The following INPP5A variants were observed in gnomAD, a reference collection of about 807,000 sequenced individuals.
INPP5A encodes inositol polyphosphate-5-phosphatase A.
INPP5A carries 14 observed loss-of-function variants against 65.2 expected under a neutral mutation model. The observed-to-expected ratio is 0.21, with a 90% CI of 0.14 to 0.34. The LOEUF (loss-of-function observed/expected upper bound fraction) is 0.34, where lower values mean the gene tolerates loss of function less well. Ranked by LOEUF, INPP5A falls within the 10% of genes least tolerant of loss-of-function variation. The pLI is 1.00. For missense variants in INPP5A, 431 were observed against 545.6 expected, an observed-to-expected ratio of 0.79 and a Z score of 2.09; for synonymous variants, 207 against 208.3, an observed-to-expected ratio of 0.99 and a Z score of 0.05.
chr10:132,563,959 C>G (rs1041745580), intron 1 of INPP5A, among the ~76,000 whole-genome samples: 1 of 152,150 alleles, frequency 6.6e-6, no homozygotes, highest in African/African-American at 2.4e-5. Context: ...GCAAAGTCGT[C>G]CTGGTTCATA....
At chr10:132,775,188 G>GAGGGGCAGGGAGGAGAGAGGGA (rs1847040258) in intron 12 of INPP5A, among the ~76,000 whole-genome samples, 2 of 1,750 alleles carry the variant, frequency 1.1e-3, no homozygotes, top group Admixed American at 7.8e-3. Context: ...CAGGGAGAGA[G>GAGGGGCAGGGAGGAGAGAGGGA]GGAGGGGCAG....
intron 1 of INPP5A, among the ~76,000 whole-genome samples, chr10:132,568,735 C>T (rs186119877): frequency 8.6e-5 from 13 of 152,010 alleles, no homozygotes; most frequent in Admixed American, 2.0e-4. Context: ...CCAGCCTGGG[C>T]GACAAGAGTG....
chr10:132,604,508 T>G (rs2071819722), intron 1 of INPP5A, among the ~76,000 whole-genome samples: 1 of 152,188 alleles, frequency 6.6e-6, no homozygotes, highest in African/African-American at 2.4e-5. Context: ...TGTTATTTGG[T>G]GAGGTTTGGG....
In INPP5A at chr10:132,546,796, C is replaced by T. The variant is rs1400517245; in HGVS notation, c.75+8625C>T. ...CCTGACCGCCCAGCCACTGTTCTCC[C>T]TGGCCCTTCCCTCTCGTTTCTGCCT... On this transcript the variant is annotated intron_variant, in intron 1 of 15. Transcript: ENST00000368594. This position sits in a 1 kb window ranked among gnomAD's most constrained non-coding sequence, Gnocchi z 5.7. Among the ~76,000 whole-genome samples, 1 of 152,240 alleles carries T rather than the reference C, an allele frequency of 6.6e-6. No homozygotes were observed. Among genetic ancestry groups the T allele is most frequent in the African/African-American group, 2.4e-5 (1 of 41,464 alleles).
chr10:132,729,002 C>T (rs1022176130), intron 9 of INPP5A, among the ~76,000 whole-genome samples: 11 of 145,030 alleles, frequency 7.6e-5, no homozygotes, highest in Non-Finnish European at 1.2e-4. Context: ...CTTGTGTGGC[C>T]GCTGTGGTCT....
intron 9 of INPP5A, among the ~76,000 whole-genome samples, chr10:132,743,814 G>A (rs12772704): frequency 0.16 from 24,790 of 152,176 alleles, 2,492 homozygotes; most frequent in Non-Finnish European, 0.22. Context: ...GGGTGCACAC[G>A]TGTGCTGAGG....
intron 11 of INPP5A, among the ~76,000 whole-genome samples, chr10:132,755,691 G>T (rs188011706): frequency 1.4e-3 from 214 of 152,148 alleles, no homozygotes; most frequent in African/African-American, 4.9e-3. Flanking sequence ...GGTGTGTGTG[G>T]GGGGTGGTTT....
intron 8 of INPP5A, among the ~76,000 whole-genome samples, chr10:132,712,553 T>C (rs1406188784): frequency 6.7e-6 from 1 of 148,454 alleles, no homozygotes; most frequent in African/African-American, 2.5e-5. Flanking sequence ...CGTGGACACA[T>C]GTGAGTGCAC....
chr10:132,644,058 G>A lies in INPP5A; in HGVS notation c.118-1810G>A, dbSNP rs542618755. Among the ~76,000 whole-genome samples, 5 of 152,128 alleles carry A rather than the reference G, an allele frequency of 3.3e-5. No individual in the cohort carries two copies. The highest frequency in any genetic ancestry group is 4.1e-4 in the South Asian group (2 of 4,824). On this transcript the variant is annotated intron_variant, in intron 2 of 15. Coordinates refer to ENST00000368594, the MANE Select transcript of INPP5A (RefSeq NM_005539.5). The surrounding 1 kb of genome is among the most constrained non-coding windows in gnomAD (Gnocchi z 6.5). ...GACCACCGGAAACACTCAGACCACC[G>A]GCACCAAGGGTTGTCTGTTTTCAGA...
intron 1 of INPP5A, among the ~76,000 whole-genome samples, chr10:132,579,934 T>G (rs1439438939): frequency 2.2e-5 from 3 of 138,780 alleles, no homozygotes; most frequent in Admixed American, 7.1e-5. Context: ...TTTTTTTTTG[T>G]AGAGATGGAG....
At chr10:132,686,949 T>C (rs78698339) in intron 4 of INPP5A, among the ~76,000 whole-genome samples, 3,946 of 152,338 alleles carry the variant, frequency 0.026, 72 homozygotes, top group Middle Eastern at 0.037. Context: ...TTAATTTTAA[T>C]TTTCTATTTT....
rs971904828 is a variant in INPP5A at position 132,651,128 on chromosome 10, A to C, written c.306+623A>C. 6.6e-6 allele frequency among the ~76,000 whole-genome samples: 1 copy of C among 152,116 alleles called. No individual in the cohort carries two copies. Among genetic ancestry groups the C allele is most frequent in the Non-Finnish European group, 1.5e-5 (1 of 67,996 alleles). On this transcript the variant is annotated intron_variant, in intron 4 of 15. Transcript: ENST00000368594. This position sits in a 1 kb window ranked among gnomAD's most constrained non-coding sequence, Gnocchi z 5.0. Reference sequence around the variant, plus strand: ...AGGCACCAGGTGTCTGGGAAGGGGCAGGAAGCTCCTCAGAGGAGGGGACAC... The same window carrying C: ...AGGCACCAGGTGTCTGGGAAGGGGCCGGAAGCTCCTCAGAGGAGGGGACAC...
At chr10:132,591,606 C>T (rs956482896) in intron 1 of INPP5A, among the ~76,000 whole-genome samples, 10 of 152,238 alleles carry the variant, frequency 6.6e-5, no homozygotes, top group Non-Finnish European at 1.3e-4. Flanking sequence ...CGGGCCTTCT[C>T]TTCCAGCAGG....
At position 132,753,129 on chromosome 10, in the gene INPP5A, G is replaced by A. The variant is rs1220160300; in HGVS notation, c.903+3284G>A. 6.6e-6 allele frequency among the ~76,000 whole-genome samples: 1 copy of A among 152,116 alleles called. No individual in the cohort carries two copies. Among genetic ancestry groups the A allele is most frequent in the Non-Finnish European group, 1.5e-5 (1 of 68,010 alleles). ...TGGGGCCTGGGACGACGGCACCTTC[G>A]GGAACGCCCCATGGGTTCCTGCTGA... is the stretch of plus-strand genomic sequence containing the variant. On this transcript the variant is annotated intron_variant, in intron 11 of 15. Coordinates refer to ENST00000368594, the MANE Select transcript of INPP5A (RefSeq NM_005539.5). The surrounding 1 kb of genome is among the most constrained non-coding windows in gnomAD (Gnocchi z 5.3).
chr10:132,613,927 G>A (rs2071994138), intron 2 of INPP5A, among the ~76,000 whole-genome samples: 1 of 152,202 alleles, frequency 6.6e-6, no homozygotes, highest in Non-Finnish European at 1.5e-5. Flanking sequence ...TTTCAAAATA[G>A]CCTTGAAGAA....
intron 1 of INPP5A, among the ~76,000 whole-genome samples, chr10:132,591,095 T>C (rs1054651720): frequency 6.6e-6 from 1 of 152,234 alleles, no homozygotes; most frequent in Non-Finnish European, 1.5e-5. Context: ...TATGGGTCCT[T>C]TGCCCGTTTT....
At chr10:132,647,012 A>G (rs2072504844) in intron 3 of INPP5A, among the ~76,000 whole-genome samples, 1 of 151,836 alleles carries the variant, frequency 6.6e-6, no homozygotes, top group South Asian at 2.1e-4. Context: ...TCCGTGTTGA[A>G]CTCCCAGCGC....
At chr10:132,589,037 C>T (rs1321750015) in intron 1 of INPP5A, among the ~76,000 whole-genome samples, 1 of 151,914 alleles carries the variant, frequency 6.6e-6, no homozygotes, top group Non-Finnish European at 1.5e-5. Context: ...TGTGTGGTCC[C>T]ACGTTCTGGT....
At chr10:132,552,959 G>A (rs1428791945) in intron 1 of INPP5A, among the ~76,000 whole-genome samples, 5 of 113,236 alleles carry the variant, frequency 4.4e-5, no homozygotes, top group Admixed American at 1.7e-4. Context: ...TATTGGGTAG[G>A]ATAGGGAGGG....
Sources: gnomAD v4.1 joint callset for allele counts (sites outside exome capture counted in the v4.1 genomes callset) on GRCh38, gnomAD v4.1.1 for gene constraint, Gnocchi (gnomAD v3.1) non-coding constraint, MANE v1.5 for transcripts, NCBI Gene and HGNC (gene_info 2026-07-23, HGNC 2026-07-21) for gene names.